APCS: variants seen among roughly 807,000 people sequenced by gnomAD.
APCS encodes the protein amyloid P component, serum.
Under a neutral mutation model 2.5 loss-of-function variants are expected in APCS, and 2 were observed. The observed-to-expected ratio is 0.80, with a 90% CI of 0.33 to 2.53. The LOEUF is 2.53. Among genes scored for constraint, APCS ranks in the 30% most tolerant of loss-of-function variants. The pLI is 0.11. For synonymous variants in APCS, 109 were observed against 102.5 expected (o/e 1.06, Z -0.39); for missense variants, 302 against 258.9 (o/e 1.17, Z -1.14).
rs1212708908 is a variant in APCS, at chr1:159,588,245, C to T, written c.209C>T (p.Ser70Phe). 6.2e-7 allele frequency: 1 copy of T among 1,613,744 alleles called. No individual in the cohort carries two copies. The highest frequency in any genetic ancestry group is 8.5e-7 in the Non-Finnish European group (1 of 1,179,782). Reference protein sequence around the residue: ...SDLSRAYSLFSYNTQGRDNEL... With the variant: ...SDLSRAYSLFFYNTQGRDNEL... The stretch of plus-strand genomic sequence containing the variant: ...CTCTCTCGTGCCTACAGCCTCTTCT[C>T]CTACAATACCCAAGGCAGGGATAAT... The change falls in exon 2 of 2, where the codon TCC becomes TTC. Residue 70 changes from serine (S) to phenylalanine (F), a missense_variant. By Grantham distance (155) the Ser-to-Phe change is radical. Transcript: ENST00000255040.
At position 159,588,149 on chromosome 1, in the gene APCS, A is replaced by T. The variant is rs377631985; in HGVS notation, c.113A>T (p.His38Leu). 23 of 1,613,820 alleles carry T rather than the reference A, an allele frequency of 1.4e-5. No individual in the cohort carries two copies. The highest frequency in any genetic ancestry group is 1.8e-5 in the Non-Finnish European group (21 of 1,179,814). ...FVFPRESVTD[H>L]VNLITPLEKP... ...TTTCCTAGAGAATCTGTTACTGATCATGTAAACTTGATCACACCGCTGGAG... is the reference window on the plus strand; with the variant it reads ...TTTCCTAGAGAATCTGTTACTGATCTTGTAAACTTGATCACACCGCTGGAG... The change falls in exon 2 of 2, where the codon CAT becomes CTT. Residue 38 changes from histidine (H) to leucine (L), a missense_variant. Physicochemically the swap from His to Leu is moderately conservative, Grantham distance 99. Coordinates refer to ENST00000255040, the MANE Select transcript of APCS (RefSeq NM_001639.4).
chr1:159,588,576 C>A lies in APCS; in HGVS notation c.540C>A (p.Asp180Glu). Residue 180 changes from aspartate (D) to glutamate (E), a missense_variant, in exon 2 of 2, where the codon GAC (aspartate) becomes GAA (glutamate). Physicochemically the swap from Asp to Glu is conservative, Grantham distance 45. Transcript: ENST00000255040. ...AGATTGGGGATTTGTACATGTGGGA[C>A]TCTGTGCTGCCCCCAGAAAATATCC... ...VGEIGDLYMW[D>E]SVLPPENILS... 6.2e-7 allele frequency: 1 copy of A among 1,613,936 alleles called. No individual in the cohort carries two copies. The highest frequency in any genetic ancestry group is 8.5e-7 in the Non-Finnish European group (1 of 1,179,984).
In APCS at chr1:159,588,765, A is replaced by C. The variant is rs190916394; in HGVS notation, c.*57A>C. ...AAATGACTGTCTAAGAGATCTGGTC[A>C]AAGCAACTGGATACTAGATCTTACA... On this transcript the variant is annotated 3_prime_UTR_variant, in exon 2 of 2. Coordinates refer to ENST00000255040, the MANE Select transcript of APCS (RefSeq NM_001639.4). The C allele has an allele frequency of 1.6e-4, 235 of 1,515,308 alleles. No individual in the cohort carries two copies. The highest frequency in any genetic ancestry group is 2.0e-4 in the Non-Finnish European group (229 of 1,118,862). 93.9% of individuals were successfully genotyped at this position (1,515,308 alleles called of 1,614,324 possible). A position where few individuals can be genotyped will look rare whatever the true frequency, so the allele number is the denominator to read the frequency against.
In APCS at chr1:159,587,850, GGA is replaced by G. The variant is rs1658794277; in HGVS notation, c.-71_-70del. The G allele has an allele frequency of 6.7e-7, 1 of 1,485,410 alleles. No homozygotes were observed. Among genetic ancestry groups the G allele is most frequent in the Non-Finnish European group, 9.4e-7 (1 of 1,065,172 alleles). The allele number at this position is 1,485,410 out of a possible 1,614,324, so 92.0% of individuals were successfully genotyped here. ...AGGGCATGAATATCAGACGCTAGGGGGACAGCCACTGTGTTGTCTGCTACCCT... is the reference window on the plus strand; with the variant it reads ...AGGGCATGAATATCAGACGCTAGGGGCAGCCACTGTGTTGTCTGCTACCCT... On this transcript the variant is annotated 5_prime_UTR_variant, in exon 1 of 2. Transcript: ENST00000255040.
In APCS at chr1:159,588,434, T is replaced by C; in HGVS notation, c.398T>C (p.Leu133Ser). Residue 133 changes from leucine to serine, a missense_variant, in exon 2 of 2, where the codon TTG becomes TCG. By Grantham distance (145) the Leu-to-Ser change is moderately radical. Coordinates refer to ENST00000255040, the MANE Select transcript of APCS (RefSeq NM_001639.4). ...IAEFWINGTP[L>S]VKKGLRQGYF... Reference sequence around the variant, plus strand: ...GAATTTTGGATCAATGGGACACCTTTGGTGAAAAAGGGTCTGCGACAGGGT... The same window carrying C: ...GAATTTTGGATCAATGGGACACCTTCGGTGAAAAAGGGTCTGCGACAGGGT... 6.2e-7 allele frequency: 1 copy of C among 1,614,082 alleles called. No homozygotes were observed. Among genetic ancestry groups the C allele is most frequent in the Non-Finnish European group, 8.5e-7 (1 of 1,180,000 alleles).
rs201199341 is a variant in APCS at position 159,588,475 on chromosome 1, C to T, written c.439C>T (p.Gln147Ter). ...GCGACAGGGTTACTTTGTAGAAGCT[C>T]AGCCCAAGATTGTCCTGGGGCAGGA... ...GLRQGYFVEA[Q>*]PKIVLGQEQD... The change falls in exon 2 of 2, where the codon CAG becomes TAG. Residue 147 changes from glutamine to a stop codon, truncating the protein, a stop_gained. Transcript: ENST00000255040. LOFTEE classifies it low-confidence loss of function (END_TRUNC). 5.6e-6 allele frequency: 9 copies of T among 1,613,750 alleles called. No homozygotes were observed. The highest frequency in any genetic ancestry group is 5.0e-5 in the Admixed American group (3 of 59,958).
rs1450626491 is a variant in APCS, at chr1:159,588,119, T to C, written c.83T>C (p.Phe28Ser). The change falls in exon 2 of 2, where the codon TTT becomes TCT. Residue 28 changes from phenylalanine to serine, a missense_variant. By Grantham distance (155) the Phe-to-Ser change is radical (BLOSUM62 -2). Coordinates refer to ENST00000255040, the MANE Select transcript of APCS (RefSeq NM_001639.4). ...FAHTDLSGKV[F>S]VFPRESVTDH... is the part of the protein sequence containing the mutation. ...CCCGCAGACCTCAGTGGGAAGGTGT[T>C]TGTATTTCCTAGAGAATCTGTTACT... The C allele has an allele frequency of 1.2e-6, 2 of 1,613,628 alleles. No individual in the cohort carries two copies. The highest frequency in any genetic ancestry group is 1.7e-6 in the Non-Finnish European group (2 of 1,179,638).
chr1:159,588,451 C>T lies in APCS; in HGVS notation c.415C>T (p.Arg139Ter), dbSNP rs879661012. 5.6e-6 allele frequency: 9 copies of T among 1,613,976 alleles called. No homozygotes were observed. The highest frequency in any genetic ancestry group is 1.3e-5 in the African/African-American group (1 of 74,960). ...NGTPLVKKGL[R>*]QGYFVEAQPK... is the part of the protein sequence containing the mutation. ...GACACCTTTGGTGAAAAAGGGTCTG[C>T]GACAGGGTTACTTTGTAGAAGCTCA... The change falls in exon 2 of 2, where the codon CGA (arginine) becomes TGA (stop). Residue 139 changes from arginine to a stop codon, truncating the protein, a stop_gained. Transcript: ENST00000255040. LOFTEE classifies it low-confidence loss of function (END_TRUNC).
rs754687176 is a variant in APCS, at chr1:159,588,373, A to G, written c.337A>G (p.Ile113Val). ...VIEKFPAPVH[I>V]CVSWESSSGI... ...CGAAAAGTTCCCGGCTCCAGTGCAC[A>G]TCTGTGTGAGCTGGGAGTCCTCATC... Residue 113 changes from isoleucine to valine, a missense_variant, in exon 2 of 2, where the codon ATC becomes GTC. Coordinates refer to ENST00000255040, the MANE Select transcript of APCS (RefSeq NM_001639.4). 3 of 1,614,152 alleles carry G rather than the reference A, an allele frequency of 1.9e-6. No homozygotes were observed. In the East Asian group the frequency reaches 6.7e-5, roughly 36 times the overall value.
Position 159,587,880 on chromosome 1 carries a change from T to G in APCS, c.-42T>G, listed in dbSNP as rs201356482. On this transcript the variant is annotated 5_prime_UTR_variant, in exon 1 of 2. Transcript: ENST00000255040. Reference sequence around the variant, plus strand: ...GCCACTGTGTTGTCTGCTACCCTCATCCTGGTCACTGCTTCTGCTATAACA... The same window carrying G: ...GCCACTGTGTTGTCTGCTACCCTCAGCCTGGTCACTGCTTCTGCTATAACA... The G allele has an allele frequency of 3.2e-5, 51 of 1,593,266 alleles. No individual in the cohort carries two copies. The highest frequency in any genetic ancestry group is 4.3e-5 in the Non-Finnish European group (50 of 1,162,510).
Position 159,588,830 on chromosome 1 carries a change from C to A in APCS, c.*122C>A. ...TTCTTTGAATTTCCTATCTGTATGT[C>A]TGCCTAATTAAAAAAATATATATTG... is the stretch of plus-strand genomic sequence containing the variant. On this transcript the variant is annotated 3_prime_UTR_variant, in exon 2 of 2. Transcript: ENST00000255040. 8.7e-7 allele frequency: 1 copy of A among 1,143,796 alleles called. No individual in the cohort carries two copies. The highest frequency in any genetic ancestry group is 1.2e-6 in the Non-Finnish European group (1 of 817,804). 70.9% of individuals were successfully genotyped at this position (1,143,796 alleles called of 1,614,324 possible).
Position 159,588,179 on chromosome 1 carries a change from C to T in APCS, c.143C>T (p.Pro48Leu). The change falls in exon 2 of 2, where the codon CCT (proline) becomes CTT (leucine). Residue 48 changes from proline (P) to leucine (L), a missense_variant. Pro to Leu is a moderately conservative substitution (Grantham distance 98). Transcript: ENST00000255040. ...AACTTGATCACACCGCTGGAGAAGC[C>T]TCTACAGAACTTTACCTTGTGTTTT... Reference protein sequence around the residue: ...HVNLITPLEKPLQNFTLCFRA... With the variant: ...HVNLITPLEKLLQNFTLCFRA... 6.2e-7 allele frequency: 1 copy of T among 1,614,034 alleles called. No homozygotes were observed. The highest frequency in any genetic ancestry group is 8.5e-7 in the Non-Finnish European group (1 of 1,179,926).
At position 159,587,876 on chromosome 1, in the gene APCS, C is replaced by T. The variant is rs947549677; in HGVS notation, c.-46C>T. 2.5e-6 allele frequency: 4 copies of T among 1,584,958 alleles called. No homozygotes were observed. The highest frequency in any genetic ancestry group is 2.1e-4 in the Middle Eastern group (1 of 4,872). ...GACAGCCACTGTGTTGTCTGCTACC[C>T]TCATCCTGGTCACTGCTTCTGCTAT... On this transcript the variant is annotated 5_prime_UTR_variant, in exon 1 of 2. Coordinates refer to ENST00000255040, the MANE Select transcript of APCS (RefSeq NM_001639.4).
rs1449106699 is a variant in APCS at position 159,588,142 on chromosome 1, A to G, written c.106A>G (p.Thr36Ala). The change falls in exon 2 of 2, where the codon ACT becomes GCT. Residue 36 changes from threonine (T) to alanine (A), a missense_variant. Physicochemically the swap from Thr to Ala is moderately conservative, Grantham distance 58. Transcript: ENST00000255040. ...GTTTGTATTTCCTAGAGAATCTGTT[A>G]CTGATCATGTAAACTTGATCACACC... Reference protein sequence around the residue: ...KVFVFPRESVTDHVNLITPLE... With the variant: ...KVFVFPRESVADHVNLITPLE... 6.2e-7 allele frequency: 1 copy of G among 1,613,816 alleles called. No individual in the cohort carries two copies. The highest frequency in any genetic ancestry group is 8.5e-7 in the Non-Finnish European group (1 of 1,179,728).
rs748148834 is a variant in APCS at position 159,587,977 on chromosome 1, C to A, written c.56C>A (p.Ala19Asp). The A allele has an allele frequency of 6.2e-7, 1 of 1,614,100 alleles. No homozygotes were observed. The highest frequency in any genetic ancestry group is 1.1e-5 in the South Asian group (1 of 91,076). ...CTCACCAGCCTCCTGGAAGCCTTTG[C>A]TCACACAGGTAAGGAGGTGAAGGAA... ...SVLTSLLEAF[A>D]HTDLSGKVFV... The change falls in exon 1 of 2, where the codon GCT becomes GAT. Residue 19 changes from alanine (A) to aspartate (D), a missense_variant. Coordinates refer to ENST00000255040, the MANE Select transcript of APCS (RefSeq NM_001639.4).
chr1:159,588,674 GAT>G lies in APCS; in HGVS notation c.641_642del (p.Tyr214CysfsTer13). The G allele has an allele frequency of 6.2e-7, 1 of 1,613,338 alleles. No homozygotes were observed. Among genetic ancestry groups the G allele is most frequent in the Non-Finnish European group, 8.5e-7 (1 of 1,179,824 alleles). On this transcript the variant is annotated frameshift_variant, in exon 2 of 2. Transcript: ENST00000255040. LOFTEE classifies it high-confidence loss of function. ...CAGGCTCTGAACTATGAAATCAGAGGATATGTCATCATCAAACCCTTGGTGTG... is the reference window on the plus strand; with the variant it reads ...CAGGCTCTGAACTATGAAATCAGAGGATGTCATCATCAAACCCTTGGTGTG...
At position 159,588,178 on chromosome 1, in the gene APCS, C is replaced by A. The variant is rs377010258; in HGVS notation, c.142C>A (p.Pro48Thr). 26 of 1,613,888 alleles carry A rather than the reference C, an allele frequency of 1.6e-5. No homozygotes were observed. Among genetic ancestry groups the A allele is most frequent in the Non-Finnish European group, 1.1e-5 (13 of 1,179,912 alleles). The change falls in exon 2 of 2, where the codon CCT becomes ACT. Residue 48 changes from proline to threonine, a missense_variant. Transcript: ENST00000255040. ...HVNLITPLEK[P>T]LQNFTLCFRA... ...AAACTTGATCACACCGCTGGAGAAG[C>A]CTCTACAGAACTTTACCTTGTGTTT... is the stretch of plus-strand genomic sequence containing the variant.
chr1:159,588,747 T>C lies in APCS; in HGVS notation c.*39T>C, dbSNP rs1012271392. On this transcript the variant is annotated 3_prime_UTR_variant, in exon 2 of 2. Transcript: ENST00000255040. ...CGAGAGCACTTGAAAATGAAATGAC[T>C]GTCTAAGAGATCTGGTCAAAGCAAC... 2.6e-6 allele frequency: 4 copies of C among 1,565,496 alleles called. No individual in the cohort carries two copies. The Admixed American group carries it at 5.4e-5, about 21-fold the overall frequency.
Position 159,588,499 on chromosome 1 carries a change from G to A in APCS, c.463G>A (p.Glu155Lys), listed in dbSNP as rs746370899. ...TCAGCCCAAGATTGTCCTGGGGCAGGAACAGGATTCCTATGGGGGCAAGTT... is the reference window on the plus strand; with the variant it reads ...TCAGCCCAAGATTGTCCTGGGGCAGAAACAGGATTCCTATGGGGGCAAGTT... Reference protein sequence around the residue: ...EAQPKIVLGQEQDSYGGKFDR... With the variant: ...EAQPKIVLGQKQDSYGGKFDR... The change falls in exon 2 of 2, where the codon GAA becomes AAA. Residue 155 changes from glutamate (E) to lysine (K), a missense_variant. Transcript: ENST00000255040. 1.1e-5 allele frequency: 18 copies of A among 1,613,744 alleles called. 1 individual carries two copies. In the South Asian group the frequency reaches 1.9e-4, roughly 17 times the overall value.
Sources: allele counts gnomAD v4.1 joint callset, GRCh38; gene constraint gnomAD v4.1.1; transcripts MANE v1.5; gene names NCBI Gene and HGNC (gene_info 2026-07-23, HGNC 2026-07-21).